Variants in ATP8A2 observed in about 807,000 individuals in gnomAD.
The protein encoded by ATP8A2 is phospholipid-transporting ATPase IB.
Under a neutral mutation model 165.6 loss-of-function variants are expected in ATP8A2, and 100 were observed. That is an observed-to-expected ratio of 0.60 (90% confidence interval 0.51 to 0.71). ATP8A2 has a LOEUF of 0.71. ATP8A2 is among the 30% of genes least tolerant of loss of function. ATP8A2 has a pLI of 0.00. For synonymous variants in ATP8A2, 543 were observed against 548.8 expected (o/e 0.99, Z 0.15); for missense variants, 1,227 against 1,479.5 (o/e 0.83, Z 2.80).
At chr13:25,772,558 G>A (rs552498828) in intron 26 of ATP8A2, among the ~76,000 whole-genome samples, 19 of 151,988 alleles carry the variant, frequency 1.3e-4, no homozygotes, top group African/African-American at 2.7e-4. Context: ...GGTGAGCCCC[G>A]CGCCTTCCCC....
chr13:25,530,679 A>G lies in ATP8A2; in HGVS notation c.420+19A>G, dbSNP rs1389192092. On this transcript the variant is annotated intron_variant, in intron 4 of 36. Coordinates refer to ENST00000381655, the MANE Select transcript of ATP8A2 (RefSeq NM_016529.6). ...AGATTTTGTAAGTTTTTGCTTTTGG[A>G]TAATAAAATCATTGTATGCAGTAGA... 4 of 1,429,700 alleles carry G rather than the reference A, an allele frequency of 2.8e-6. No individual in the cohort carries two copies. The highest frequency in any genetic ancestry group is 1.9e-5 in the Admixed American group (1 of 53,400). 88.6% of individuals were successfully genotyped at this position (1,429,700 alleles called of 1,614,324 possible).
chr13:25,644,611 G>T (rs758079038), intron 24 of ATP8A2, among the ~76,000 whole-genome samples: 1 of 151,438 alleles, frequency 6.6e-6, no homozygotes, highest in African/African-American at 2.4e-5. Context: ...TTTTGAAGGC[G>T]TGTCTAAAAA....
At chr13:25,475,919 A>G (rs902470817) in intron 2 of ATP8A2, among the ~76,000 whole-genome samples, 3 of 151,992 alleles carry the variant, frequency 2.0e-5, no homozygotes, top group Admixed American at 6.6e-5. Flanking sequence ...TGGATATTAG[A>G]CCTTTGTCAG....
chr13:25,629,946 A>G (rs1181919836), intron 24 of ATP8A2, among the ~76,000 whole-genome samples: 4 of 152,188 alleles, frequency 2.6e-5, no homozygotes, highest in Non-Finnish European at 1.5e-5. Flanking sequence ...GGCAAAGTCA[A>G]CGACTTTAGA....
chr13:25,622,374 T>G (rs1239377280), intron 24 of ATP8A2, among the ~76,000 whole-genome samples: 1 of 152,012 alleles, frequency 6.6e-6, no homozygotes, highest in Non-Finnish European at 1.5e-5. Context: ...AGAGGAATGA[T>G]GAGGAGCAGA....
At chr13:25,686,650 T>C (rs887783489) in intron 24 of ATP8A2, among the ~76,000 whole-genome samples, 2 of 152,160 alleles carry the variant, frequency 1.3e-5, no homozygotes, top group Non-Finnish European at 2.9e-5. Context: ...AATATTTCTT[T>C]TAATGTGATG....
intron 27 of ATP8A2, among the ~76,000 whole-genome samples, chr13:25,786,233 A>T (rs185077549): frequency 8.5e-5 from 13 of 152,200 alleles, no homozygotes; most frequent in Non-Finnish European, 1.6e-4. Flanking sequence ...CTAACGATAC[A>T]TCTGAGCTGC....
intron 2 of ATP8A2, among the ~76,000 whole-genome samples, chr13:25,505,167 A>G (rs1270669324): frequency 1.6e-5 from 2 of 124,102 alleles, no homozygotes; most frequent in African/African-American, 6.2e-5. Context: ...AACTTCTATT[A>G]GATTTGTTAA....
intron 27 of ATP8A2, among the ~76,000 whole-genome samples, chr13:25,810,705 C>A (rs1448103836): frequency 6.6e-6 from 1 of 151,954 alleles, no homozygotes; most frequent in Non-Finnish European, 1.5e-5. Context: ...TTCTAAAAAG[C>A]TCAAATACTG....
At chr13:25,987,199 C>T (rs1383622195) in intron 35 of ATP8A2, among the ~76,000 whole-genome samples, 4 of 152,130 alleles carry the variant, frequency 2.6e-5, no homozygotes, top group Non-Finnish European at 5.9e-5. Context: ...TTCATAGCAG[C>T]CTCCCATCAT....
At chr13:25,704,026 A>T (rs1047808674) in intron 25 of ATP8A2, among the ~76,000 whole-genome samples, 22 of 152,086 alleles carry the variant, frequency 1.4e-4, no homozygotes, top group Admixed American at 1.4e-3. Context: ...ATATGTTTGA[A>T]TGAAAGTTCA....
intron 1 of ATP8A2, among the ~76,000 whole-genome samples, chr13:25,419,415 C>T (rs1027256210): frequency 6.6e-6 from 1 of 152,198 alleles, no homozygotes; most frequent in East Asian, 1.9e-4. Context: ...GAAAAGCATA[C>T]ACGTTTCATG....
At chr13:25,647,579 C>T (rs1459766089) in intron 24 of ATP8A2, among the ~76,000 whole-genome samples, 1 of 152,146 alleles carries the variant, frequency 6.6e-6, no homozygotes, top group Non-Finnish European at 1.5e-5. Context: ...GTGAATGCCT[C>T]TTTGGGTTGA....
intron 30 of ATP8A2, among the ~76,000 whole-genome samples, chr13:25,846,494 G>A (rs1047648855): frequency 9.9e-5 from 15 of 152,174 alleles, no homozygotes; most frequent in African/African-American, 3.6e-4. Context: ...GAATAGAATA[G>A]TTCCAAGAGA....
chr13:25,457,095 C>A (rs1566146812), intron 1 of ATP8A2, among the ~76,000 whole-genome samples: 1 of 152,168 alleles, frequency 6.6e-6, no homozygotes, highest in Admixed American at 6.5e-5. Context: ...ACGAGTTGGA[C>A]AAGCTTGCTC....
chr13:25,636,777 A>C (rs531483200), intron 24 of ATP8A2, among the ~76,000 whole-genome samples: 1 of 152,140 alleles, frequency 6.6e-6, no homozygotes, highest in Non-Finnish European at 1.5e-5. Context: ...CTTTTGGTTT[A>C]GTTTTGCTTG....
At chr13:25,978,299 G>A (rs1956102786) in intron 35 of ATP8A2, among the ~76,000 whole-genome samples, 1 of 152,126 alleles carries the variant, frequency 6.6e-6, no homozygotes. Flanking sequence ...GGATCTCTTT[G>A]CTAATCGCTT....
At chr13:25,430,016 G>A (rs1248792715) in intron 1 of ATP8A2, among the ~76,000 whole-genome samples, 2 of 152,180 alleles carry the variant, frequency 1.3e-5, no homozygotes, top group Non-Finnish European at 2.9e-5. Flanking sequence ...ATCACAGAGG[G>A]AGAAAATCAG....
chr13:25,828,048 A>T, intron 27 of ATP8A2, 70 bp from the exon 28 acceptor site: 1 of 1,244,656 alleles, frequency 8.0e-7, no homozygotes, highest in Non-Finnish European at 1.2e-6. Context: ...CATTCCCGCT[A>T]CTTCTTCAGT....
Sources: allele counts gnomAD v4.1 joint callset (sites outside exome capture counted in the v4.1 genomes callset), GRCh38; gene constraint gnomAD v4.1.1; transcripts MANE v1.5; gene names NCBI Gene and HGNC (gene_info 2026-07-23, HGNC 2026-07-21).